The following INPP5B variants were observed in gnomAD, a reference collection of about 807,000 sequenced individuals.
The protein encoded by INPP5B is type II inositol 1,4,5-trisphosphate 5-phosphatase.
Under a neutral mutation model 118.5 loss-of-function variants are expected in INPP5B, and 90 were observed. The ratio of observed to expected loss-of-function variants is 0.76; its 90% CI spans 0.64 to 0.90. The LOEUF (loss-of-function observed/expected upper bound fraction) is 0.90. Among genes scored for constraint, INPP5B ranks in the 40% least tolerant of loss-of-function variants. The pLI, the probability that INPP5B is intolerant of heterozygous loss-of-function variation, is 0.00. For synonymous variants in INPP5B, 385 were observed against 418.9 expected (o/e 0.92, Z 0.99); for missense variants, 984 against 1,125.6 (o/e 0.87, Z 1.80).
intron 12 of INPP5B, 107 bp downstream of exon 12, chr1:37,886,781 T>C (rs373676204): frequency 4.5e-5 from 35 of 782,668 alleles, no homozygotes; most frequent in African/African-American, 1.0e-4. Flanking sequence ...TCTTGGAATA[T>C]TGGCACCTTC....
chr1:37,862,278 A>T lies in INPP5B; in HGVS notation c.*37T>A. ...TGAGCTGAAACAGGTGGGGCTGGTAATTGGCAGCCTCAAGTAAAATAGGAG... is the reference window on the plus strand; with the variant it reads ...TGAGCTGAAACAGGTGGGGCTGGTATTTGGCAGCCTCAAGTAAAATAGGAG... On this transcript the variant is annotated 3_prime_UTR_variant, in exon 24 of 24. Transcript: ENST00000373024. 7.2e-7 allele frequency: 1 copy of T among 1,380,840 alleles called. No homozygotes were observed. The highest frequency in any genetic ancestry group is 1.0e-6 in the Non-Finnish European group (1 of 968,220). 85.5% of individuals were successfully genotyped at this position (1,380,840 alleles called of 1,614,324 possible).
chr1:37,889,875 T>C, intron 8 of INPP5B, 151 bp from the exon 9 acceptor site: 1 of 546,104 alleles, frequency 1.8e-6, no homozygotes, highest in Non-Finnish European at 3.2e-6. Context: ...ACAACACTAT[T>C]TCTATGTGGA....
At chr1:37,876,994 G>A (rs1490988966) in intron 16 of INPP5B, among the ~76,000 whole-genome samples, 1 of 151,918 alleles carries the variant, frequency 6.6e-6, no homozygotes, top group African/African-American at 2.4e-5. Flanking sequence ...GATTGAGGCC[G>A]CAGTTCGCTG....
chr1:37,903,465 G>A (rs889090720), intron 7 of INPP5B, among the ~76,000 whole-genome samples: 5 of 152,186 alleles, frequency 3.3e-5, no homozygotes, highest in Admixed American at 6.5e-5. Context: ...AGTGGCTCAC[G>A]CCTGTAATCC....
chr1:37,943,704 T>A (rs1646018944), intron 4 of INPP5B, 35 bp from the exon 5 acceptor site: 1 of 1,613,646 alleles, frequency 6.2e-7, no homozygotes, highest in South Asian at 1.1e-5. Context: ...CCTTAGCAAT[T>A]GAGCTTACTC....
chr1:37,889,807 T>G (rs1364421523), intron 8 of INPP5B, 83 bp from the exon 9 acceptor site: 8 of 1,009,742 alleles, frequency 7.9e-6, no homozygotes, highest in Non-Finnish European at 1.0e-5. Flanking sequence ...AGTTCCCCTA[T>G]ACAAGCATCT....
In INPP5B at chr1:37,866,555, A is replaced by T; in HGVS notation, c.2302-12T>A. 1 of 1,511,120 alleles carries T rather than the reference A, an allele frequency of 6.6e-7. No homozygotes were observed. Among genetic ancestry groups the T allele is most frequent in the Non-Finnish European group, 9.2e-7 (1 of 1,086,116 alleles). The allele number at this position is 1,511,120 out of a possible 1,614,324, so 93.6% of individuals were successfully genotyped here. ...TGAAACAGATCTTCCTGCAAAAGGG[A>T]AGACAGTAACAAAATAATTATTTTC... On this transcript the variant is annotated splice_polypyrimidine_tract_variant and intron_variant, in intron 20 of 23. Coordinates refer to ENST00000373024, the MANE Select transcript of INPP5B (RefSeq NM_005540.3).
At position 37,906,494 on chromosome 1, in the gene INPP5B, C is replaced by T. The variant is rs139623839; in HGVS notation, c.533-15040G>A. Reference sequence around the variant, plus strand: ...TCAGTCCAAGTATAATAAAGCAAATCGGTCTTACCATGATTTGTCTTTAGT... The same window carrying T: ...TCAGTCCAAGTATAATAAAGCAAATTGGTCTTACCATGATTTGTCTTTAGT... On this transcript the variant is annotated intron_variant, in intron 7 of 23. Coordinates refer to ENST00000373024, the MANE Select transcript of INPP5B (RefSeq NM_005540.3). 4.2e-3 allele frequency among the ~76,000 whole-genome samples: 639 copies of T among 152,216 alleles called. 9 individuals are homozygous for T. Among genetic ancestry groups the T allele is most frequent in the African/African-American group, 0.015 (609 of 41,520 alleles).
At chr1:37,889,227 A>G (rs1643704683) in intron 9 of INPP5B, among the ~76,000 whole-genome samples, 1 of 152,216 alleles carries the variant, frequency 6.6e-6, no homozygotes, top group Non-Finnish European at 1.5e-5. Context: ...ACAAAGCGAG[A>G]CCTTGTCTCA....
At chr1:37,920,886 C>T (rs1452874225) in intron 7 of INPP5B, among the ~76,000 whole-genome samples, 1 of 152,108 alleles carries the variant, frequency 6.6e-6, no homozygotes, top group Non-Finnish European at 1.5e-5. Context: ...GCAGGCATAT[C>T]ACAAGGTCAG....
chr1:37,879,950 T>C, intron 15 of INPP5B, 135 bp downstream of exon 15: 1 of 503,254 alleles, frequency 2.0e-6, no homozygotes, highest in Non-Finnish European at 3.6e-6. Context: ...TGAGAGAAAA[T>C]GTTTGATCAG....
chr1:37,899,927 G>A (rs1644266826), intron 7 of INPP5B, among the ~76,000 whole-genome samples: 1 of 151,660 alleles, frequency 6.6e-6, no homozygotes, highest in African/African-American at 2.4e-5. Flanking sequence ...TGTTAGCCGG[G>A]ATGATCTCGG....
chr1:37,876,270 A>AT (rs932806255), intron 16 of INPP5B, among the ~76,000 whole-genome samples: 2 of 151,406 alleles, frequency 1.3e-5, no homozygotes, highest in African/African-American at 4.9e-5. Flanking sequence ...TGCCCAGCTA[A>AT]TTTTTTTACT....
intron 5 of INPP5B, among the ~76,000 whole-genome samples, chr1:37,941,766 G>A (rs1357798976): frequency 2.1e-5 from 3 of 143,292 alleles, no homozygotes; most frequent in South Asian, 2.3e-4. Context: ...GTGAAACCCC[G>A]TCTCTACTAA....
At chr1:37,910,781 C>T (rs984877546) in intron 7 of INPP5B, among the ~76,000 whole-genome samples, 48 of 152,140 alleles carry the variant, frequency 3.2e-4, no homozygotes, top group African/African-American at 1.2e-3. Flanking sequence ...CAGGTTAGTT[C>T]AGGATCTGCA....
chr1:37,874,642 AC>A (rs1228535346), intron 17 of INPP5B, among the ~76,000 whole-genome samples: 2 of 152,148 alleles, frequency 1.3e-5, no homozygotes, highest in African/African-American at 4.8e-5. Context: ...TACTAAAAAT[AC>A]AAAAATTAGC....
intron 22 of INPP5B, 43 bp from the exon 23 acceptor site, chr1:37,864,466 C>A (rs1192763903): frequency 1.7e-6 from 2 of 1,192,132 alleles, no homozygotes; most frequent in South Asian, 1.2e-5. Flanking sequence ...TTCACTGAAT[C>A]ATTTCTCAAG....
rs376586874 is a variant in INPP5B, at chr1:37,889,665, G to A, written c.689C>T (p.Ser230Leu). The A allele has an allele frequency of 8.7e-6, 14 of 1,613,548 alleles. No homozygotes were observed. The highest frequency in any genetic ancestry group is 4.0e-5 in the African/African-American group (3 of 74,900). ...DMVRSSTITV[S>L]DKAHILSMQK... ...CATGGATAAAATATGAGCCTTGTCC[G>A]ACACTGTGATAGTGGAGGAGCGAAC... The change falls in exon 9 of 24, where the codon TCG becomes TTG. Residue 230 changes from serine (S) to leucine (L), a missense_variant. Ser to Leu is a moderately radical substitution (Grantham distance 145, BLOSUM62 -2). Around this residue, in one of 2 missense-constraint regions of INPP5B, gnomAD observed 350 missense variants for 334.6 expected, o/e 1.05. Coordinates refer to ENST00000373024, the MANE Select transcript of INPP5B (RefSeq NM_005540.3).
At chr1:37,923,685 CATG>C (rs1645130032) in intron 7 of INPP5B, among the ~76,000 whole-genome samples, 1 of 151,380 alleles carries the variant, frequency 6.6e-6, no homozygotes. Flanking sequence ...GCTTATTAGA[CATG>C]AGAGCAGAGG....
Sources: allele counts gnomAD v4.1 joint callset (sites outside exome capture counted in the v4.1 genomes callset), GRCh38; gene constraint gnomAD v4.1.1; regional missense constraint gnomAD v4.1.1; transcripts MANE v1.5; gene names NCBI Gene and HGNC (gene_info 2026-07-23, HGNC 2026-07-21).